The following SOBP variants were observed in gnomAD, a reference collection of about 807,000 sequenced individuals.
SOBP encodes the protein sine oculis binding protein homolog, also known as sine oculis-binding protein homolog.
SOBP carries 4 observed loss-of-function variants against 53.6 expected under a neutral mutation model. The observed-to-expected ratio is 0.07, with a 90% CI of 0.04 to 0.17. SOBP has a LOEUF of 0.17. Ranked by LOEUF, SOBP falls within the 10% of genes least tolerant of loss-of-function variation. The pLI is 1.00. For synonymous variants in SOBP, 584 were observed against 522.6 expected (o/e 1.12, Z -1.60); for missense variants, 1,088 against 1,204.7 (o/e 0.90, Z 1.43).
At chr6:107,549,184 A>G (rs1006471159) in intron 4 of SOBP, among the ~76,000 whole-genome samples, 2 of 151,950 alleles carry the variant, frequency 1.3e-5, no homozygotes, top group African/African-American at 2.4e-5. Context: ...GGAGAATGGC[A>G]TGAACCCGGG....
intron 3 of SOBP, among the ~76,000 whole-genome samples, chr6:107,511,006 T>C (rs907006015): frequency 3.3e-5 from 5 of 152,158 alleles, no homozygotes; most frequent in Non-Finnish European, 5.9e-5. Context: ...ATTTTTAGAG[T>C]TTATGAAATT....
At chr6:107,534,542 A>G (rs1277493125) in intron 4 of SOBP, among the ~76,000 whole-genome samples, 3 of 152,200 alleles carry the variant, frequency 2.0e-5, no homozygotes, top group Non-Finnish European at 4.4e-5. Flanking sequence ...GAAGCAAACA[A>G]TTATTATTTT....
chr6:107,652,091 G>C (rs1477351286), intron 6 of SOBP, among the ~76,000 whole-genome samples: 3 of 152,214 alleles, frequency 2.0e-5, no homozygotes, highest in Non-Finnish European at 4.4e-5. Context: ...GCAGCCCATG[G>C]ATCAAGGAGG....
Position 107,490,293 on chromosome 6 carries a change from G to T in SOBP, c.-324G>T, listed in dbSNP as rs1782540831. The T allele has an allele frequency of 1.3e-5, 2 of 149,048 alleles. No individual in the cohort carries two copies. Among genetic ancestry groups the T allele is most frequent in the South Asian group, 3.5e-4 (2 of 5,642 alleles). 9.2% of individuals were successfully genotyped at this position (149,048 alleles called of 1,614,324 possible). On this transcript the variant is annotated 5_prime_UTR_variant, in exon 1 of 7. Coordinates refer to ENST00000317357, the MANE Select transcript of SOBP (RefSeq NM_018013.4). ...GGCGGGAGCGGCAGCGGCAGCGAGGGCGGCAGGGGCAGCGGCAGCAGCGGC... is the reference window on the plus strand; with the variant it reads ...GGCGGGAGCGGCAGCGGCAGCGAGGTCGGCAGGGGCAGCGGCAGCAGCGGC...
At chr6:107,637,329 G>A (rs532327695) in intron 6 of SOBP, among the ~76,000 whole-genome samples, 94 of 152,348 alleles carry the variant, frequency 6.2e-4, no homozygotes, top group African/African-American at 2.3e-3. Context: ...ACCAGAGCAA[G>A]GAGACTTGTC....
Position 107,634,146 on chromosome 6 carries a change from C to T in SOBP, c.1302C>T (p.Ile434=), listed in dbSNP as rs1462863935. The change falls in exon 6 of 7, where the codon ATC becomes ATT. Residue 434 remains isoleucine, a synonymous_variant. Coordinates refer to ENST00000317357, the MANE Select transcript of SOBP (RefSeq NM_018013.4). This position sits in a 1 kb window ranked among gnomAD's most constrained non-coding sequence, Gnocchi z 4.5. The stretch of plus-strand genomic sequence containing the variant: ...TGTCCAACCCCATGCTTCCCGGCAT[C>T]GGGCCCCCGCCCGGTGGCCCCAGAA... ...SPLSNPMLPG[I]GPPPGGPRNL... 2 of 1,611,158 alleles carry T rather than the reference C, an allele frequency of 1.2e-6. No homozygotes were observed. The highest frequency in any genetic ancestry group is 1.7e-6 in the Non-Finnish European group (2 of 1,178,966).
chr6:107,509,201 C>G (rs1388711395), intron 3 of SOBP, among the ~76,000 whole-genome samples: 1 of 151,986 alleles, frequency 6.6e-6, no homozygotes, highest in African/African-American at 2.4e-5. Flanking sequence ...TTGAGACCAG[C>G]CTGACCAACA....
In SOBP at chr6:107,634,050, G is replaced by A. The variant is rs1023674324; in HGVS notation, c.1206G>A (p.Gln402=). ...CGCTGCCCATCTTCATGGAGCAGCA[G>A]ATCATGCAGCAGATCCGCCCGCCCT... ...PVPLPIFMEQ[Q]IMQQIRPPFI... Residue 402 remains glutamine, a synonymous_variant, in exon 6 of 7, where the codon CAG becomes CAA. Transcript: ENST00000317357. This position sits in a 1 kb window ranked among gnomAD's most constrained non-coding sequence, Gnocchi z 4.5. 1 of 1,607,652 alleles carries A rather than the reference G, an allele frequency of 6.2e-7. No individual in the cohort carries two copies. The highest frequency in any genetic ancestry group is 1.3e-5 in the African/African-American group (1 of 74,860).
intron 4 of SOBP, among the ~76,000 whole-genome samples, chr6:107,576,161 C>G (rs1238561740): frequency 6.6e-6 from 1 of 152,162 alleles, no homozygotes; most frequent in Non-Finnish European, 1.5e-5. Flanking sequence ...GGAGGACCAT[C>G]CTGCCCAAAA....
chr6:107,585,697 T>A (rs73518904), intron 4 of SOBP, among the ~76,000 whole-genome samples: 3,680 of 152,316 alleles, frequency 0.024, 141 homozygotes, highest in African/African-American at 0.084. Flanking sequence ...AAACTTCTTG[T>A]AACCTAAATA....
chr6:107,573,179 A>G (rs563119775), intron 4 of SOBP, among the ~76,000 whole-genome samples: 1 of 152,260 alleles, frequency 6.6e-6, no homozygotes, highest in African/African-American at 2.4e-5. Flanking sequence ...TAGGATCCTG[A>G]TTAGTGGGTG....
intron 3 of SOBP, among the ~76,000 whole-genome samples, chr6:107,517,429 A>G (rs1238092422): frequency 1.3e-5 from 2 of 151,962 alleles, no homozygotes; most frequent in Non-Finnish European, 2.9e-5. Context: ...AGAGAGAGAG[A>G]GCAGGCTCTC....
intron 4 of SOBP, among the ~76,000 whole-genome samples, chr6:107,552,427 T>C (rs1243151334): frequency 6.6e-6 from 1 of 152,076 alleles, no homozygotes; most frequent in East Asian, 1.9e-4. Flanking sequence ...GCAAAGGAAG[T>C]CAGAGGTGAG....
At chr6:107,578,533 T>G (rs1785306889) in intron 4 of SOBP, among the ~76,000 whole-genome samples, 1 of 152,188 alleles carries the variant, frequency 6.6e-6, no homozygotes, top group African/African-American at 2.4e-5. Flanking sequence ...TTGTGTAAAC[T>G]CCATAATGTC....
intron 5 of SOBP, among the ~76,000 whole-genome samples, chr6:107,603,166 C>A (rs569553062): frequency 6.6e-6 from 1 of 152,320 alleles, no homozygotes; most frequent in East Asian, 1.9e-4. Context: ...ATGTTTTAAA[C>A]TCTGCAGCCA....
intron 4 of SOBP, among the ~76,000 whole-genome samples, chr6:107,578,992 G>A (rs1052181552): frequency 6.6e-6 from 1 of 152,150 alleles, no homozygotes; most frequent in Non-Finnish European, 1.5e-5. Flanking sequence ...CAGAGAAAAG[G>A]AATAAAAGGA....
intron 5 of SOBP, among the ~76,000 whole-genome samples, chr6:107,603,512 A>C (rs1186203110): frequency 6.6e-6 from 1 of 152,218 alleles, no homozygotes; most frequent in South Asian, 2.1e-4. Flanking sequence ...TGGAACACAA[A>C]AAAGATTTAT....
intron 5 of SOBP, among the ~76,000 whole-genome samples, chr6:107,607,944 G>A (rs1296228871): frequency 6.6e-6 from 1 of 152,162 alleles, no homozygotes; most frequent in African/African-American, 2.4e-5. Flanking sequence ...TGAATGTGCT[G>A]TGATTTGAGG....
At chr6:107,652,759 C>T (rs1379859579) in intron 6 of SOBP, among the ~76,000 whole-genome samples, 2 of 152,142 alleles carry the variant, frequency 1.3e-5, no homozygotes, top group Non-Finnish European at 2.9e-5. Context: ...CCTTTGGCAA[C>T]CACCACCCTG....
Sources: allele counts gnomAD v4.1 joint callset (sites outside exome capture counted in the v4.1 genomes callset), GRCh38; gene constraint gnomAD v4.1.1; non-coding constraint Gnocchi (gnomAD v3.1); transcripts MANE v1.5; gene names NCBI Gene and HGNC (gene_info 2026-07-23, HGNC 2026-07-21).